Variants in PIK3C2G observed in about 807,000 individuals in gnomAD.
PIK3C2G encodes the protein phosphatidylinositol 3-kinase C2 domain-containing subunit gamma.
In PIK3C2G, 168 loss-of-function variants were observed where a neutral mutation model predicts 181.1. The observed-to-expected ratio is 0.93, with a 90% CI of 0.82 to 1.05. PIK3C2G has a LOEUF of 1.05. Ranked by LOEUF, PIK3C2G falls within the 50% of genes least tolerant of loss-of-function variation. PIK3C2G has a pLI of 0.00. For missense variants in PIK3C2G, 1,869 were observed against 1,732.8 expected (o/e 1.08, Z -1.40); for synonymous variants, 573 against 592.2 (o/e 0.97, Z 0.47).
intron 12 of PIK3C2G, among the ~76,000 whole-genome samples, chr12:18,363,578 C>T (rs908528441): frequency 6.6e-6 from 1 of 151,972 alleles, no homozygotes; most frequent in East Asian, 1.9e-4. Flanking sequence ...TGCTCTCAGT[C>T]ATTTCCCTGC....
intron 24 of PIK3C2G, among the ~76,000 whole-genome samples, chr12:18,512,824 T>C (rs968024118): frequency 1.3e-5 from 2 of 151,904 alleles, no homozygotes; most frequent in Non-Finnish European, 2.9e-5. Context: ...CAACTTCCAG[T>C]ACTATGCTGA....
At chr12:18,640,590 A>C (rs1172347862) in intron 32 of PIK3C2G, 36 bp downstream of exon 32, 1 of 1,540,440 alleles carries the variant, frequency 6.5e-7, no homozygotes, top group East Asian at 2.3e-5. Flanking sequence ...GTCATTTTGT[A>C]TTTTTCTTAC....
intron 31 of PIK3C2G, among the ~76,000 whole-genome samples, chr12:18,620,703 A>G (rs546529175): frequency 2.0e-5 from 3 of 152,188 alleles, no homozygotes; most frequent in African/African-American, 7.2e-5. Flanking sequence ...TGAATTTGCA[A>G]AGTGAGTTTT....
intron 31 of PIK3C2G, among the ~76,000 whole-genome samples, chr12:18,634,843 T>G (rs912775645): frequency 6.6e-6 from 1 of 152,222 alleles, no homozygotes; most frequent in Middle Eastern, 3.2e-3. Flanking sequence ...TCAGTGAGCA[T>G]TCACATGGGA....
intron 22 of PIK3C2G, among the ~76,000 whole-genome samples, chr12:18,502,004 A>G (rs942557016): frequency 6.6e-6 from 1 of 152,338 alleles, no homozygotes; most frequent in East Asian, 1.9e-4. Flanking sequence ...ATTAAAAAGC[A>G]TCACCTACTG....
intron 24 of PIK3C2G, among the ~76,000 whole-genome samples, chr12:18,510,169 C>G (rs982932349): frequency 6.6e-5 from 10 of 152,152 alleles, no homozygotes; most frequent in African/African-American, 1.9e-4. Flanking sequence ...TAGGGTCTCA[C>G]CATGTTGCCC....
At chr12:18,395,233 A>T (rs1943806595) in intron 15 of PIK3C2G, among the ~76,000 whole-genome samples, 1 of 151,268 alleles carries the variant, frequency 6.6e-6, no homozygotes. Flanking sequence ...ATTTTGAAAC[A>T]TCAGATAAAA....
intron 29 of PIK3C2G, among the ~76,000 whole-genome samples, chr12:18,593,739 A>C (rs997365732): frequency 1.6e-4 from 24 of 151,874 alleles, no homozygotes; most frequent in African/African-American, 5.6e-4. Context: ...ATCAGGTTAA[A>C]TGTCAATTTG....
intron 11 of PIK3C2G, chr12:18,358,650 A>G (rs761172135): frequency 8.2e-6 from 4 of 490,716 alleles, no homozygotes; most frequent in Non-Finnish European, 1.7e-5. Context: ...TCAGCTGGTC[A>G]GCATCATCAA....
chr12:18,430,516 G>T (rs1946095898), intron 18 of PIK3C2G, among the ~76,000 whole-genome samples: 1 of 152,154 alleles, frequency 6.6e-6, no homozygotes, highest in African/African-American at 2.4e-5. Flanking sequence ...ACCTAGAACA[G>T]TACTTGGCAC....
At chr12:18,476,614 C>T (rs1003129351) in intron 18 of PIK3C2G, among the ~76,000 whole-genome samples, 48 of 151,960 alleles carry the variant, frequency 3.2e-4, no homozygotes, top group Admixed American at 2.9e-3. Flanking sequence ...GATTTGAGAG[C>T]TATTTTGAAG....
intron 18 of PIK3C2G, among the ~76,000 whole-genome samples, chr12:18,482,012 T>C (rs1939606116): frequency 6.6e-6 from 1 of 152,166 alleles, no homozygotes; most frequent in African/African-American, 2.4e-5. Context: ...CCTTTTCCCT[T>C]TCACATTCCC....
chr12:18,454,061 AC>A (rs1947504094), intron 18 of PIK3C2G, among the ~76,000 whole-genome samples: 1 of 152,042 alleles, frequency 6.6e-6, no homozygotes, highest in Non-Finnish European at 1.5e-5. Context: ...AGTTTTTTTT[AC>A]CAAGTAGAAA....
chr12:18,602,407 G>A lies in PIK3C2G; in HGVS notation c.4088-7128G>A, dbSNP rs1464415759. Among the ~76,000 whole-genome samples the A allele has an allele frequency of 4.0e-5, 6 of 149,430 alleles. No homozygotes were observed. In the East Asian group the frequency reaches 6.0e-4, roughly 15 times the overall value. On this transcript the variant is annotated intron_variant, in intron 30 of 32. Transcript: ENST00000538779. ...CCAAGGAGAGTCTGAGCTCAGACAC[G>A]CCTAGCCCCACCCCCACCTGATGGT...
At chr12:18,405,674 T>G (rs1944489305) in intron 16 of PIK3C2G, among the ~76,000 whole-genome samples, 1 of 152,040 alleles carries the variant, frequency 6.6e-6, no homozygotes, top group Non-Finnish European at 1.5e-5. Context: ...TTAAATAGAA[T>G]TAGGTCTAAA....
Position 18,282,575 on chromosome 12 carries a change from A to T in PIK3C2G, c.494A>T (p.His165Leu). The T allele has an allele frequency of 6.2e-7, 1 of 1,611,950 alleles. No homozygotes were observed. Among genetic ancestry groups the T allele is most frequent in the Non-Finnish European group, 8.5e-7 (1 of 1,178,396 alleles). ...GAGAAAGAATTAGAAAATGAAAATCATAACTACCATATAGGATTTGAAAGT... is the reference window on the plus strand; with the variant it reads ...GAGAAAGAATTAGAAAATGAAAATCTTAACTACCATATAGGATTTGAAAGT... ...NLEKELENEN[H>L]NYHIGFESSI... Residue 165 changes from histidine (H) to leucine (L), a missense_variant, in exon 2 of 33, where the codon CAT becomes CTT. Physicochemically the swap from His to Leu is moderately conservative, Grantham distance 99. Coordinates refer to ENST00000538779, the MANE Select transcript of PIK3C2G (RefSeq NM_001288772.2).
intron 24 of PIK3C2G, among the ~76,000 whole-genome samples, 158 bp from the exon 25 acceptor site, chr12:18,537,998 G>T (rs2136239173): frequency 6.6e-6 from 1 of 151,712 alleles, no homozygotes; most frequent in South Asian, 2.1e-4. Context: ...CTACAATTAT[G>T]CAGTTTCTCA....
intron 30 of PIK3C2G, among the ~76,000 whole-genome samples, chr12:18,600,855 T>A (rs1174404684): frequency 1.3e-5 from 2 of 152,084 alleles, no homozygotes; most frequent in Non-Finnish European, 2.9e-5. Context: ...TCAGATAATT[T>A]CCAGAGGAAT....
chr12:18,281,113 G>A (rs999706910), intron 1 of PIK3C2G, among the ~76,000 whole-genome samples: 2 of 151,820 alleles, frequency 1.3e-5, no homozygotes, highest in Non-Finnish European at 2.9e-5. Flanking sequence ...TGGAGCTATT[G>A]ATTAAGTAAT....
Sources: gnomAD v4.1 joint callset for allele counts (sites outside exome capture counted in the v4.1 genomes callset) on GRCh38, gnomAD v4.1.1 for gene constraint, MANE v1.5 for transcripts, NCBI Gene and HGNC (gene_info 2026-07-23, HGNC 2026-07-21) for gene names.